Variants in ZNF385C observed in about 807,000 individuals in gnomAD.
ZNF385C encodes CTD-2132N18.2.
ZNF385C carries 28 observed loss-of-function variants against 35.4 expected under a neutral mutation model. The ratio of observed to expected loss-of-function variants is 0.79; its 90% confidence interval spans 0.59 to 1.08. ZNF385C has a LOEUF of 1.08. Ranked by LOEUF, ZNF385C falls within the 50% of genes least tolerant of loss-of-function variation. ZNF385C has a pLI of 0.00. For synonymous variants in ZNF385C, 248 were observed against 248.2 expected, an observed-to-expected ratio of 1.00 and a Z score of 0.01; for missense variants, 605 against 595.6, an observed-to-expected ratio of 1.02 and a Z score of -0.16.
At chr17:42,096,854 G>A (rs1212698729) in intron 1 of ZNF385C, among the ~76,000 whole-genome samples, 1 of 151,712 alleles carries the variant, frequency 6.6e-6, no homozygotes, top group Admixed American at 6.6e-5. Flanking sequence ...GACTAAAAGA[G>A]GAGGAGGTGA....
chr17:42,032,987 G>A (rs2052765043), intron 4 of ZNF385C, among the ~76,000 whole-genome samples: 1 of 151,962 alleles, frequency 6.6e-6, no homozygotes, highest in African/African-American at 2.4e-5. Flanking sequence ...GCCTCCCAAA[G>A]TGCTGGGATT....
chr17:42,073,274 AAAAGTAC>A (rs1488276456), intron 1 of ZNF385C, among the ~76,000 whole-genome samples: 13 of 152,162 alleles, frequency 8.5e-5, no homozygotes, highest in African/African-American at 3.1e-4. Context: ...CTGTCTCTAT[AAAAGTAC>A]AAAAATTAGC....
intron 2 of ZNF385C, chr17:42,040,742 A>C: frequency 8.1e-7 from 1 of 1,232,352 alleles, no homozygotes; most frequent in South Asian, 4.1e-5. Context: ...TCAGGGACCA[A>C]GTGGGAACTA....
intron 1 of ZNF385C, among the ~76,000 whole-genome samples, chr17:42,064,362 G>C (rs190131345): frequency 8.6e-4 from 131 of 152,294 alleles, no homozygotes; most frequent in Middle Eastern, 6.8e-3. Flanking sequence ...TCAGGCTGGG[G>C]CAACCCCAAG....
chr17:42,057,615 G>T lies in ZNF385C; in HGVS notation c.250+5192C>A, dbSNP rs558368444. On this transcript the variant is annotated intron_variant, in intron 2 of 8. Transcript: ENST00000692273. Reference sequence around the variant, plus strand: ...TGCCACACCCCCATTGGGAGGAGAGGCAAGGGGGTGAAAGAAGGCTCAAGA... The same window carrying T: ...TGCCACACCCCCATTGGGAGGAGAGTCAAGGGGGTGAAAGAAGGCTCAAGA... Among the ~76,000 whole-genome samples the T allele has an allele frequency of 4.0e-5, 6 of 151,836 alleles. 1 individual carries two copies. In the South Asian group the frequency reaches 1.0e-3, roughly 26 times the overall value.
intron 1 of ZNF385C, among the ~76,000 whole-genome samples, chr17:42,093,577 TTTTA>T (rs1483780562): frequency 6.9e-6 from 1 of 144,140 alleles, no homozygotes; most frequent in Non-Finnish European, 1.5e-5. Context: ...TTTTATTTTA[TTTTA>T]TTTATTTTTT....
chr17:42,065,800 G>A (rs1341727297), intron 1 of ZNF385C, among the ~76,000 whole-genome samples: 2 of 151,124 alleles, frequency 1.3e-5, no homozygotes, highest in East Asian at 2.0e-4. Context: ...AAGTGCTGGG[G>A]TACAGGCATG....
At chr17:42,094,312 C>G (rs1384603351) in intron 1 of ZNF385C, among the ~76,000 whole-genome samples, 2 of 152,156 alleles carry the variant, frequency 1.3e-5, no homozygotes, top group Non-Finnish European at 2.9e-5. Flanking sequence ...CTTGGCTCTC[C>G]TTTTGCCGAG....
chr17:42,089,854 A>G (rs1406098985), intron 1 of ZNF385C, among the ~76,000 whole-genome samples: 2 of 152,240 alleles, frequency 1.3e-5, no homozygotes, highest in Non-Finnish European at 2.9e-5. Flanking sequence ...GTTTAACTGT[A>G]CTACAGGGGA....
At chr17:42,086,978 G>A (rs570395206) in intron 1 of ZNF385C, among the ~76,000 whole-genome samples, 19 of 151,544 alleles carry the variant, frequency 1.3e-4, no homozygotes, top group African/African-American at 4.4e-4. Context: ...ACACCACCAC[G>A]CCCGGCTAAT....
Position 42,037,790 on chromosome 17 carries a change from C to A in ZNF385C, c.346G>T (p.Ala116Ser). Reference protein sequence around the residue: ...QPPLDFKHLLAFHFNGAAPLS... With the variant: ...QPPLDFKHLLSFHFNGAAPLS... ...GGGGCAGCGCCATTGAAGTGGAAGG[C>A]GAGCAAGTGCTTGAAGTCCAGCGGG... The change falls in exon 3 of 9, where the codon GCC becomes TCC. Residue 116 changes from alanine (A) to serine (S), a missense_variant. Physicochemically the swap from Ala to Ser is moderately conservative, Grantham distance 99. Coordinates refer to ENST00000692273, the MANE Select transcript of ZNF385C (RefSeq NM_001392013.1). 2.0e-6 allele frequency: 3 copies of A among 1,532,110 alleles called. No homozygotes were observed. The highest frequency in any genetic ancestry group is 2.6e-6 in the Non-Finnish European group (3 of 1,138,434). The allele number at this position is 1,532,110 out of a possible 1,614,324, so 94.9% of individuals were successfully genotyped here. A position where few individuals can be genotyped will look rare whatever the true frequency, so the allele number is the denominator to read the frequency against.
intron 2 of ZNF385C, among the ~76,000 whole-genome samples, chr17:42,058,438 C>T (rs1229050723): frequency 6.6e-6 from 1 of 152,242 alleles, no homozygotes; most frequent in Admixed American, 6.5e-5. Flanking sequence ...AGGCTGCCCA[C>T]ACTTAGCCTC....
At chr17:42,068,263 C>T (rs2053576007) in intron 1 of ZNF385C, among the ~76,000 whole-genome samples, 2 of 151,992 alleles carry the variant, frequency 1.3e-5, no homozygotes, top group South Asian at 2.1e-4. Flanking sequence ...CCAGCATGAC[C>T]CACGCTAGCA....
At chr17:42,036,571 C>T (rs1395414093) in intron 3 of ZNF385C, among the ~76,000 whole-genome samples, 1 of 152,116 alleles carries the variant, frequency 6.6e-6, no homozygotes, top group Admixed American at 6.5e-5. Flanking sequence ...ACTTTCCAAA[C>T]CTTCCCAAGA....
chr17:42,066,926 A>C (rs35694322), intron 1 of ZNF385C, among the ~76,000 whole-genome samples: 5 of 151,886 alleles, frequency 3.3e-5, no homozygotes, highest in Admixed American at 6.6e-5. Context: ...AAAATTAGCC[A>C]GGCGCGGTGG....
At chr17:42,030,027 C>CA (rs201594725) in intron 5 of ZNF385C, among the ~76,000 whole-genome samples, 142 of 130,402 alleles carry the variant, frequency 1.1e-3, no homozygotes, top group South Asian at 6.2e-3. Flanking sequence ...GACCCTGTCT[C>CA]AAAAAAAAAA....
rs1265799553 is a variant in ZNF385C, at chr17:42,027,733, T to TGGAC, written c.1165-9_1165-6dup. 6.2e-7 allele frequency: 1 copy of TGGAC among 1,611,142 alleles called. No individual in the cohort carries two copies. On this transcript the variant is annotated splice_polypyrimidine_tract_variant and splice_region_variant and intron_variant, in intron 7 of 8. Coordinates refer to ENST00000692273, the MANE Select transcript of ZNF385C (RefSeq NM_001392013.1). ...GTGCCTCCTGCTGCTCATGTGCTAA[T>TGGAC]GGACAGACAGACAGACTGGGAACAA...
chr17:42,029,831 C>T (rs1555654811), intron 5 of ZNF385C, among the ~76,000 whole-genome samples: 2 of 151,630 alleles, frequency 1.3e-5, no homozygotes, highest in African/African-American at 2.4e-5. Flanking sequence ...TCCAGGACTT[C>T]GAGACCAGAC....
At chr17:42,051,941 ACT>A (rs2053290204) in intron 2 of ZNF385C, among the ~76,000 whole-genome samples, 1 of 151,818 alleles carries the variant, frequency 6.6e-6, no homozygotes, top group African/African-American at 2.4e-5. Flanking sequence ...TGGCCGCCTG[ACT>A]CCTGGCTACA....
Sources: allele counts gnomAD v4.1 joint callset (sites outside exome capture counted in the v4.1 genomes callset), GRCh38; gene constraint gnomAD v4.1.1; transcripts MANE v1.5; gene names NCBI Gene and HGNC (gene_info 2026-07-23, HGNC 2026-07-21).